The following UFL1 variants were observed in gnomAD, a reference collection of about 807,000 sequenced individuals.
UFL1 encodes E3 UFM1-protein ligase 1.
Under a neutral mutation model 99.3 loss-of-function variants are expected in UFL1, and 78 were observed. The ratio of observed to expected loss-of-function variants is 0.79; its 90% CI spans 0.65 to 0.95. The LOEUF is 0.95. UFL1 is among the 40% of genes least tolerant of loss of function. The probability of loss-of-function intolerance (pLI) is 0.00; values close to 1 mark genes in which losing one functional copy is unlikely to be tolerated. For missense variants in UFL1, 936 were observed against 937.0 expected (o/e 1.00, Z 0.01); for synonymous variants, 335 against 322.2 (o/e 1.04, Z -0.42).
In UFL1 at chr6:96,553,159, C is replaced by A. The variant is rs1770106143; in HGVS notation, c.2167-126C>A. On this transcript the variant is annotated intron_variant, in intron 18 of 18. Transcript: ENST00000369278. ...AGCAGAAACTGCTAGATTAGACTTG[C>A]TACTTACATGGCCAGTTTTTTGTAA... 6 of 785,892 alleles carry A rather than the reference C, an allele frequency of 7.6e-6. No individual in the cohort carries two copies. The South Asian group carries it at 9.4e-5, about 12-fold the overall frequency. 48.7% of individuals were successfully genotyped at this position (785,892 alleles called of 1,614,324 possible).
chr6:96,532,064 A>G (rs1268385235), intron 6 of UFL1, among the ~76,000 whole-genome samples: 1 of 152,230 alleles, frequency 6.6e-6, no homozygotes, highest in African/African-American at 2.4e-5. Context: ...GCCAGAGAGA[A>G]GAGCAGGAAG....
chr6:96,531,044 C>T (rs573412551), intron 6 of UFL1, among the ~76,000 whole-genome samples: 1 of 152,314 alleles, frequency 6.6e-6, no homozygotes, highest in East Asian at 1.9e-4. Flanking sequence ...CTCATAGGAG[C>T]GTGAACCCTA....
intron 7 of UFL1, among the ~76,000 whole-genome samples, chr6:96,535,326 G>T (rs1436749570): frequency 6.6e-6 from 1 of 151,890 alleles, no homozygotes; most frequent in Non-Finnish European, 1.5e-5. Flanking sequence ...CTTAGAAATA[G>T]CTCCCTTCCA....
chr6:96,527,252 A>G (rs1204292270), intron 5 of UFL1, among the ~76,000 whole-genome samples: 1 of 152,184 alleles, frequency 6.6e-6, no homozygotes, highest in Non-Finnish European at 1.5e-5. Flanking sequence ...CTTATTTGAC[A>G]TCAGGAAAAT....
At position 96,552,646 on chromosome 6, in the gene UFL1, A is replaced by G. The variant is rs371436576; in HGVS notation, c.2150A>G (p.Asn717Ser). ...RCVPQIIAFL[N>S]SKIPEDQHAL... Reference sequence around the variant, plus strand: ...GTCCCACAGATCATTGCTTTTCTTAATAGTAAAATTCCAGAGGTATTACAT... The same window carrying G: ...GTCCCACAGATCATTGCTTTTCTTAGTAGTAAAATTCCAGAGGTATTACAT... Residue 717 changes from asparagine to serine, a missense_variant, in exon 18 of 19, where the codon AAT becomes AGT. Coordinates refer to ENST00000369278, the MANE Select transcript of UFL1 (RefSeq NM_015323.5). 2.5e-6 allele frequency: 4 copies of G among 1,595,582 alleles called. No homozygotes were observed. Among genetic ancestry groups the G allele is most frequent in the South Asian group, 1.1e-5 (1 of 86,974 alleles).
intron 1 of UFL1, 128 bp from the exon 2 acceptor site, chr6:96,523,018 G>T: frequency 1.2e-6 from 1 of 820,582 alleles, no homozygotes; most frequent in Non-Finnish European, 1.8e-6. Context: ...GAAAAATACA[G>T]ATATTGTGAT....
intron 6 of UFL1, among the ~76,000 whole-genome samples, chr6:96,533,566 G>A (rs148353138): frequency 1.5e-3 from 221 of 152,058 alleles, no homozygotes; most frequent in Non-Finnish European, 2.0e-3. Context: ...AGATTTAGGA[G>A]TGGCAGCAGG....
intron 6 of UFL1, among the ~76,000 whole-genome samples, chr6:96,532,652 T>G (rs1428285714): frequency 6.6e-6 from 1 of 152,224 alleles, no homozygotes; most frequent in Non-Finnish European, 1.5e-5. Flanking sequence ...TTTCACTATG[T>G]GATTTATTTA....
At chr6:96,551,701 A>G in intron 16 of UFL1, 137 bp from the exon 17 acceptor site, 1 of 738,004 alleles carries the variant, frequency 1.4e-6, no homozygotes, top group Non-Finnish European at 2.2e-6. Flanking sequence ...TCTATATCAC[A>G]ATTTCTAACT....
chr6:96,529,678 G>A (rs763735902), intron 6 of UFL1, among the ~76,000 whole-genome samples: 23 of 151,816 alleles, frequency 1.5e-4, no homozygotes, highest in East Asian at 1.4e-3. Flanking sequence ...AAAGTTTCAC[G>A]CCATCTTTTC....
In UFL1 at chr6:96,528,628, A is replaced by G. The variant is rs1769736213; in HGVS notation, c.592A>G (p.Thr198Ala). 6.2e-7 allele frequency: 1 copy of G among 1,610,898 alleles called. No individual in the cohort carries two copies. The highest frequency in any genetic ancestry group is 8.5e-7 in the Non-Finnish European group (1 of 1,178,736). ...TATCCGTGGACTATTCAGTGCTATT[A>G]CCCGGTAAGTATATTTTAAAGTATA... ...ARIRGLFSAI[T>A]RPTAVNSLIS... The change falls in exon 6 of 19, where the codon ACC becomes GCC. Residue 198 changes from threonine to alanine, a missense_variant. Physicochemically the swap from Thr to Ala is moderately conservative, Grantham distance 58. Transcript: ENST00000369278.
chr6:96,551,622 T>G lies in UFL1; in HGVS notation c.1899+109T>G, dbSNP rs955350992. On this transcript the variant is annotated intron_variant, in intron 16 of 18. Coordinates refer to ENST00000369278, the MANE Select transcript of UFL1 (RefSeq NM_015323.5). The stretch of plus-strand genomic sequence containing the variant: ...TTGTAAATCCAATCTAAAACTAGTA[T>G]TTTGCACTCAGCTGCCTCTTTGAAA... 12 of 853,048 alleles carry G rather than the reference T, an allele frequency of 1.4e-5. No homozygotes were observed. In the African/African-American group the frequency reaches 1.8e-4, roughly 13 times the overall value. The allele number at this position is 853,048 out of a possible 1,614,324, so 52.8% of individuals were successfully genotyped here.
chr6:96,523,309 G>GT lies in UFL1; in HGVS notation c.223+29dup, dbSNP rs772207103. 58,525 of 946,306 alleles carry GT rather than the reference G, an allele frequency of 0.062. No homozygotes were observed. Among genetic ancestry groups the GT allele is most frequent in the South Asian group, 0.084 (4,603 of 54,604 alleles). 58.6% of individuals were successfully genotyped at this position (946,306 alleles called of 1,614,324 possible). Reference sequence around the variant, plus strand: ...CCGAGGTGGTAGGTAATTCTTTAGTGTTTTTTTTTTTCTTGGATTTTTGGA... The same window carrying GT: ...CCGAGGTGGTAGGTAATTCTTTAGTGTTTTTTTTTTTTCTTGGATTTTTGGA... On this transcript the variant is annotated intron_variant, in intron 2 of 18. Transcript: ENST00000369278.
chr6:96,532,283 T>C (rs1041551972), intron 6 of UFL1, among the ~76,000 whole-genome samples: 1 of 152,206 alleles, frequency 6.6e-6, no homozygotes, highest in African/African-American at 2.4e-5. Context: ...TTTGTAAGGA[T>C]GTGTTTGCGT....
At chr6:96,527,561 A>G (rs1015958554) in intron 5 of UFL1, among the ~76,000 whole-genome samples, 4 of 152,188 alleles carry the variant, frequency 2.6e-5, no homozygotes, top group African/African-American at 9.6e-5. Flanking sequence ...TCCATTTAAA[A>G]TACCATTTAT....
intron 15 of UFL1, among the ~76,000 whole-genome samples, chr6:96,550,757 A>G (rs570068399): frequency 6.6e-6 from 1 of 152,116 alleles, no homozygotes; most frequent in South Asian, 2.1e-4. Flanking sequence ...TATGGAAAAT[A>G]CAGAATATCT....
chr6:96,535,862 C>T (rs1440346956), intron 7 of UFL1, among the ~76,000 whole-genome samples: 2 of 151,998 alleles, frequency 1.3e-5, no homozygotes, highest in Non-Finnish European at 2.9e-5. Flanking sequence ...CTTGTTAACA[C>T]TAATAATTGC....
Position 96,522,615 on chromosome 6 carries a change from C to T in UFL1, c.78-531C>T, listed in dbSNP as rs143243401. ...TTTTGAGCCGGAAGACAGCAATCCCCTTATGCTGTATTTTCTACCACTGAT... is the reference window on the plus strand; with the variant it reads ...TTTTGAGCCGGAAGACAGCAATCCCTTTATGCTGTATTTTCTACCACTGAT... On this transcript the variant is annotated intron_variant, in intron 1 of 18. Transcript: ENST00000369278. Among the ~76,000 whole-genome samples the T allele has an allele frequency of 1.5e-3, 229 of 152,278 alleles. 1 individual carries two copies. The highest frequency in any genetic ancestry group is 4.9e-3 in the African/African-American group (202 of 41,560).
intron 11 of UFL1, among the ~76,000 whole-genome samples, chr6:96,542,252 GTAA>G (rs1769940693): frequency 6.6e-6 from 1 of 151,076 alleles, no homozygotes; most frequent in African/African-American, 2.4e-5. Context: ...TAGTCAATAG[GTAA>G]TAATACTTTT....
Sources: allele counts gnomAD v4.1 joint callset (sites outside exome capture counted in the v4.1 genomes callset), GRCh38; gene constraint gnomAD v4.1.1; transcripts MANE v1.5; gene names NCBI Gene and HGNC (gene_info 2026-07-23, HGNC 2026-07-21).